The following GRIA2 variants were observed in gnomAD, a reference collection of about 807,000 sequenced individuals.
GRIA2 encodes the protein glutamate ionotropic receptor AMPA type subunit 2, also known as glutamate receptor 2.
In GRIA2, 14 loss-of-function variants were observed where a neutral mutation model predicts 97.3. That is an observed-to-expected ratio of 0.14 (90% confidence interval 0.10 to 0.23). The LOEUF (loss-of-function observed/expected upper bound fraction) is 0.23. Among genes scored for constraint, GRIA2 ranks in the 10% least tolerant of loss-of-function variants. GRIA2 has a pLI of 1.00. For missense variants in GRIA2, 558 were observed against 1,069.8 expected, an observed-to-expected ratio of 0.52 and a Z score of 6.67; for synonymous variants, 412 against 387.8, an observed-to-expected ratio of 1.06 and a Z score of -0.73.
chr4:157,338,352 T>C (rs780626302), intron 11 of GRIA2, among the ~76,000 whole-genome samples: 2 of 151,848 alleles, frequency 1.3e-5, no homozygotes, highest in East Asian at 3.9e-4. Flanking sequence ...CATTATGAAG[T>C]AGGATGTGTC....
intron 2 of GRIA2, among the ~76,000 whole-genome samples, chr4:157,293,148 A>G (rs1733181985): frequency 6.6e-6 from 1 of 152,160 alleles, no homozygotes; most frequent in South Asian, 2.1e-4. Context: ...ATTTGATAGC[A>G]TGGATAACCT....
chr4:157,284,118 C>G (rs1008549619), intron 2 of GRIA2, among the ~76,000 whole-genome samples: 3 of 151,882 alleles, frequency 2.0e-5, no homozygotes, highest in African/African-American at 7.2e-5. Flanking sequence ...AGTGGCGTGA[C>G]CCAGAAGAAA....
At position 157,247,356 on chromosome 4, in the gene GRIA2, A is replaced by G. The variant is rs1413769291; in HGVS notation, c.229+25549A>G. Among the ~76,000 whole-genome samples the G allele has an allele frequency of 3.9e-5, 6 of 152,190 alleles. No individual in the cohort carries two copies. The East Asian group carries it at 9.6e-4, about 24-fold the overall frequency. On this transcript the variant is annotated intron_variant, in intron 2 of 15. Coordinates refer to ENST00000264426, the MANE Select transcript of GRIA2 (RefSeq NM_001083619.3). ...AGAAAGTGCAGGATCATTGTGATTGATGAAACTGGGAAATCCCTGTATTTT... is the reference window on the plus strand; with the variant it reads ...AGAAAGTGCAGGATCATTGTGATTGGTGAAACTGGGAAATCCCTGTATTTT...
At chr4:157,355,932 T>TATATATATA (rs1560781147) in intron 12 of GRIA2, among the ~76,000 whole-genome samples, 1 of 29,002 alleles carries the variant, frequency 3.4e-5, no homozygotes, top group Non-Finnish European at 7.0e-5. Context: ...TTTATATATA[T>TATATATATA]TTATATATTA....
At chr4:157,303,156 G>T (rs1002270563) in intron 2 of GRIA2, among the ~76,000 whole-genome samples, 2 of 152,092 alleles carry the variant, frequency 1.3e-5, no homozygotes, top group Admixed American at 6.6e-5. Flanking sequence ...ATACAGTAAA[G>T]ATTTTTAAAG....
chr4:157,353,914 T>C (rs1370468281), intron 12 of GRIA2, among the ~76,000 whole-genome samples: 1 of 152,126 alleles, frequency 6.6e-6, no homozygotes, highest in African/African-American at 2.4e-5. Flanking sequence ...AACTATTTTA[T>C]TAACTGTAAC....
intron 2 of GRIA2, among the ~76,000 whole-genome samples, chr4:157,259,332 G>A (rs1039856311): frequency 6.6e-6 from 1 of 152,114 alleles, no homozygotes; most frequent in African/African-American, 2.4e-5. Flanking sequence ...AGCATACTGG[G>A]ATTGGGGAGA....
intron 3 of GRIA2, among the ~76,000 whole-genome samples, chr4:157,308,034 AT>A (rs1411489025): frequency 2.0e-5 from 3 of 152,236 alleles, no homozygotes; most frequent in Non-Finnish European, 4.4e-5. Flanking sequence ...CAAAGAAAAT[AT>A]TTTTAAGCAG....
At chr4:157,358,382 T>G (rs1404009096) in intron 12 of GRIA2, among the ~76,000 whole-genome samples, 1 of 152,190 alleles carries the variant, frequency 6.6e-6, no homozygotes, top group Non-Finnish European at 1.5e-5. Flanking sequence ...AGTAAAATTT[T>G]CACTCTCATA....
intron 4 of GRIA2, among the ~76,000 whole-genome samples, chr4:157,315,742 T>C (rs1579357183): frequency 1.3e-5 from 2 of 152,180 alleles, no homozygotes; most frequent in South Asian, 2.1e-4. Flanking sequence ...GGTATCACCA[T>C]GTTGGCCAGG....
At chr4:157,292,071 T>C (rs1733129890) in intron 2 of GRIA2, among the ~76,000 whole-genome samples, 1 of 152,032 alleles carries the variant, frequency 6.6e-6, no homozygotes, top group Non-Finnish European at 1.5e-5. Flanking sequence ...TATAATGTGG[T>C]AAATATTAAT....
In GRIA2 at chr4:157,360,117, C is replaced by T. The variant is rs780349472; in HGVS notation, c.2265C>T (p.Ile755=). Residue 755 remains isoleucine (I), a synonymous_variant, in exon 13 of 16, where the codon ATC becomes ATT. Transcript: ENST00000264426. ...ACCTGGATTCCAAAGGCTATGGCATCGCAACACCTAAAGGATCCTCATTAA... is the reference window on the plus strand; with the variant it reads ...ACCTGGATTCCAAAGGCTATGGCATTGCAACACCTAAAGGATCCTCATTAA... The part of the protein sequence containing the change: ...GGNLDSKGYG[I]ATPKGSSLRN... 9.3e-6 allele frequency: 15 copies of T among 1,613,638 alleles called. No homozygotes were observed. Among genetic ancestry groups the T allele is most frequent in the Admixed American group, 5.0e-5 (3 of 59,974 alleles).
intron 6 of GRIA2, among the ~76,000 whole-genome samples, chr4:157,324,782 T>C (rs1260448872): frequency 6.6e-6 from 1 of 152,142 alleles, no homozygotes; most frequent in African/African-American, 2.4e-5. Context: ...ATAATTATTT[T>C]TGCTTCCAGA....
intron 2 of GRIA2, among the ~76,000 whole-genome samples, chr4:157,281,290 T>A (rs1732582171): frequency 6.6e-6 from 1 of 152,134 alleles, no homozygotes; most frequent in African/African-American, 2.4e-5. Flanking sequence ...CCTAGAAGTT[T>A]CCCTAATTCA....
At chr4:157,320,551 C>A (rs1161567132) in intron 5 of GRIA2, among the ~76,000 whole-genome samples, 1 of 151,874 alleles carries the variant, frequency 6.6e-6, no homozygotes, top group African/African-American at 2.4e-5. Context: ...AATTGTGAGC[C>A]AATAAAAAGT....
At chr4:157,247,380 T>A (rs1452640862) in intron 2 of GRIA2, among the ~76,000 whole-genome samples, 1 of 152,118 alleles carries the variant, frequency 6.6e-6, no homozygotes, top group Non-Finnish European at 1.5e-5. Flanking sequence ...TCCCTGTATT[T>A]TGTGTAAATG....
chr4:157,325,540 A>C (rs1218511440), intron 6 of GRIA2, among the ~76,000 whole-genome samples: 1 of 152,172 alleles, frequency 6.6e-6, no homozygotes, highest in Admixed American at 6.6e-5. Context: ...CCAACAATTA[A>C]ATTGTAGCAT....
intron 2 of GRIA2, among the ~76,000 whole-genome samples, chr4:157,239,792 G>A (rs2126713350): frequency 6.6e-6 from 1 of 151,830 alleles, no homozygotes; most frequent in South Asian, 2.1e-4. Context: ...TCAATGCAGA[G>A]CCAAGTACCA....
At chr4:157,230,098 A>G (rs968237966) in intron 2 of GRIA2, among the ~76,000 whole-genome samples, 4 of 152,176 alleles carry the variant, frequency 2.6e-5, no homozygotes, top group Admixed American at 2.0e-4. Context: ...ATTTAATGGA[A>G]ACTCAAGTTA....
Sources: gnomAD v4.1 joint callset for allele counts (sites outside exome capture counted in the v4.1 genomes callset) on GRCh38, gnomAD v4.1.1 for gene constraint, MANE v1.5 for transcripts, NCBI Gene and HGNC (gene_info 2026-07-23, HGNC 2026-07-21) for gene names.